Variants in CBFB observed in about 807,000 individuals in gnomAD.
CBFB encodes core-binding factor subunit beta, also known as CBF-beta.
A neutral mutation model predicts 30.4 loss-of-function variants in CBFB; 9 were observed. That is an observed-to-expected ratio of 0.30 (90% confidence interval 0.18 to 0.52). CBFB has a LOEUF of 0.52. Ranked by LOEUF, CBFB falls within the 20% of genes least tolerant of loss-of-function variation. CBFB has a pLI of 0.97. For missense variants in CBFB, 170 were observed against 244.0 expected (o/e 0.70, Z 2.02); for synonymous variants, 94 against 84.0 (o/e 1.12, Z -0.65).
chr16:67,042,932 C>A (rs1032610334), intron 3 of CBFB, among the ~76,000 whole-genome samples: 3 of 152,078 alleles, frequency 2.0e-5, no homozygotes, highest in Admixed American at 2.0e-4. Context: ...GACAGGGTTT[C>A]ACCATGTTGG....
At chr16:67,075,381 A>G (rs1961365492) in intron 4 of CBFB, among the ~76,000 whole-genome samples, 2 of 152,184 alleles carry the variant, frequency 1.3e-5, no homozygotes. Context: ...ATCATCAGAA[A>G]AATAATTATT....
At chr16:67,052,732 A>G (rs1388086367) in intron 3 of CBFB, among the ~76,000 whole-genome samples, 1 of 151,226 alleles carries the variant, frequency 6.6e-6, no homozygotes, top group Admixed American at 6.6e-5. Context: ...GAGGTTAAGG[A>G]GGGAGGATTA....
At chr16:67,057,763 A>G (rs916472457) in intron 3 of CBFB, among the ~76,000 whole-genome samples, 3 of 152,140 alleles carry the variant, frequency 2.0e-5, no homozygotes, top group African/African-American at 7.2e-5. Flanking sequence ...GTTAAATAAA[A>G]TATCCTTTTA....
intron 4 of CBFB, among the ~76,000 whole-genome samples, chr16:67,080,738 T>G (rs1961531902): frequency 6.6e-6 from 1 of 152,230 alleles, no homozygotes; most frequent in Admixed American, 6.5e-5. Flanking sequence ...TCATCTTCAT[T>G]TATATTTCTG....
chr16:67,053,349 G>A (rs1193473346), intron 3 of CBFB, among the ~76,000 whole-genome samples: 2 of 150,490 alleles, frequency 1.3e-5, no homozygotes, highest in African/African-American at 2.4e-5. Flanking sequence ...CGCCTCCTGG[G>A]TTCACGCCAT....
chr16:67,098,521 G>C (rs181239644), intron 5 of CBFB, among the ~76,000 whole-genome samples, 189 bp from the exon 6 acceptor site: 1 of 152,142 alleles, frequency 6.6e-6, no homozygotes, highest in East Asian at 1.9e-4. Context: ...TGATTTTTAA[G>C]GAAACTTTAG....
intron 2 of CBFB, among the ~76,000 whole-genome samples, chr16:67,033,680 C>G (rs1295253458): frequency 2.0e-5 from 3 of 146,962 alleles, no homozygotes; most frequent in Non-Finnish European, 4.5e-5. Flanking sequence ...GGCACGATCT[C>G]GGCTCACTGC....
intron 5 of CBFB, among the ~76,000 whole-genome samples, chr16:67,087,109 G>A (rs1421473283): frequency 1.3e-5 from 2 of 152,140 alleles, no homozygotes; most frequent in Non-Finnish European, 2.9e-5. Context: ...TCTGGAGCAA[G>A]CTAACATGGC....
In CBFB at chr16:67,053,753, G is replaced by A. The variant is rs551461708; in HGVS notation, c.283-12929G>A. 1.2e-3 allele frequency among the ~76,000 whole-genome samples: 188 copies of A among 152,056 alleles called. 5 individuals are homozygous for A. The South Asian group carries it at 0.02, about 16-fold the overall frequency. ...GCACACTGAAACCATTGCTCACCGT[G>A]TGCCGGAGATGTGGAGGAATATGGT... On this transcript the variant is annotated intron_variant, in intron 3 of 5. Coordinates refer to ENST00000412916, the MANE Select transcript of CBFB (RefSeq NM_022845.3).
chr16:67,083,959 G>T (rs138094811), intron 5 of CBFB, among the ~76,000 whole-genome samples: 4 of 151,836 alleles, frequency 2.6e-5, no homozygotes, highest in Non-Finnish European at 2.9e-5. Flanking sequence ...GCTTGAGGCT[G>T]GGAATTTTAG....
chr16:67,054,269 C>G (rs1173412579), intron 3 of CBFB, among the ~76,000 whole-genome samples: 2 of 151,660 alleles, frequency 1.3e-5, no homozygotes, highest in Non-Finnish European at 2.9e-5. Context: ...TTGTCTTGTT[C>G]TAGAGTTTGA....
intron 2 of CBFB, among the ~76,000 whole-genome samples, chr16:67,032,236 C>T (rs1204310666): frequency 6.6e-6 from 1 of 152,104 alleles, no homozygotes; most frequent in Non-Finnish European, 1.5e-5. Context: ...ATAATCTGAT[C>T]CTCACCTGAG....
At chr16:67,059,472 T>C (rs1024771146) in intron 3 of CBFB, among the ~76,000 whole-genome samples, 1 of 152,214 alleles carries the variant, frequency 6.6e-6, no homozygotes, top group African/African-American at 2.4e-5. Context: ...AGCAGTGGAC[T>C]TCATTAGAAA....
chr16:67,087,275 A>T (rs531063101), intron 5 of CBFB, among the ~76,000 whole-genome samples: 222 of 152,328 alleles, frequency 1.5e-3, no homozygotes, highest in African/African-American at 5.1e-3. Context: ...AGAATTTTCT[A>T]TTCTAAATTG....
chr16:67,098,874 T>C lies in CBFB; in HGVS notation c.*96T>C, dbSNP rs1962136743. The C allele has an allele frequency of 1.1e-5, 9 of 786,308 alleles. No individual in the cohort carries two copies. In the South Asian group the frequency reaches 1.3e-4, roughly 11 times the overall value. 48.7% of individuals were successfully genotyped at this position (786,308 alleles called of 1,614,324 possible). ...TTAAAAGACCAGAAACTGTGATAAC[T>C]GGAGGTACTACGGTCTATTTCTCAA... On this transcript the variant is annotated 3_prime_UTR_variant, in exon 6 of 6. Transcript: ENST00000412916.
chr16:67,091,555 A>C (rs1961880242), intron 5 of CBFB, among the ~76,000 whole-genome samples: 1 of 152,206 alleles, frequency 6.6e-6, no homozygotes, highest in African/African-American at 2.4e-5. Context: ...CAAGCCCAGA[A>C]ATGCAGATTA....
At chr16:67,039,015 A>G (rs1372704930) in intron 3 of CBFB, among the ~76,000 whole-genome samples, 2 of 152,218 alleles carry the variant, frequency 1.3e-5, no homozygotes, top group African/African-American at 4.8e-5. Flanking sequence ...ACCAAAAATA[A>G]CAAAAATGTG....
chr16:67,057,022 G>A (rs966931312), intron 3 of CBFB, among the ~76,000 whole-genome samples: 31 of 149,970 alleles, frequency 2.1e-4, no homozygotes, highest in African/African-American at 6.7e-4. Flanking sequence ...TCACTCTTTC[G>A]CCCAGGCTGG....
intron 4 of CBFB, among the ~76,000 whole-genome samples, chr16:67,074,919 G>A (rs1484272945): frequency 6.6e-6 from 1 of 152,168 alleles, no homozygotes; most frequent in Non-Finnish European, 1.5e-5. Context: ...GAGGCCAGGC[G>A]CAGTGGCTCA....
Sources: gnomAD v4.1 joint callset for allele counts (sites outside exome capture counted in the v4.1 genomes callset) on GRCh38, gnomAD v4.1.1 for gene constraint, MANE v1.5 for transcripts, NCBI Gene and HGNC (gene_info 2026-07-23, HGNC 2026-07-21) for gene names.